Variants in MBD5 observed in about 807,000 individuals in gnomAD.
MBD5 encodes methyl-CpG-binding domain protein 5.
MBD5 carries 13 observed loss-of-function variants against 117.3 expected under a neutral mutation model. The ratio of observed to expected loss-of-function variants is 0.11; its 90% CI spans 0.07 to 0.18. The LOEUF (loss-of-function observed/expected upper bound fraction) is 0.18. Among genes scored for constraint, MBD5 ranks in the 10% least tolerant of loss-of-function variants. The pLI is 1.00. For missense variants in MBD5, 1,879 were observed against 2,093.8 expected (o/e 0.90, Z 2.00); for synonymous variants, 727 against 766.4 (o/e 0.95, Z 0.85).
chr2:148,376,077 C>T (rs536701053), intron 4 of MBD5, among the ~76,000 whole-genome samples: 1 of 151,004 alleles, frequency 6.6e-6, no homozygotes, highest in Non-Finnish European at 1.5e-5. Flanking sequence ...CATACACATA[C>T]TCAGAATGAT....
intron 4 of MBD5, among the ~76,000 whole-genome samples, chr2:148,398,548 A>G (rs1385498083): frequency 6.6e-6 from 1 of 152,150 alleles, no homozygotes; most frequent in East Asian, 1.9e-4. Flanking sequence ...GATTCTGGGT[A>G]TTAGCCCTTT....
At chr2:148,098,245 C>T (rs777435184) in intron 1 of MBD5, among the ~76,000 whole-genome samples, 6 of 152,006 alleles carry the variant, frequency 3.9e-5, no homozygotes, top group Admixed American at 6.6e-5. Context: ...GGAATAGAAA[C>T]AGATAGATTG....
intron 1 of MBD5, among the ~76,000 whole-genome samples, chr2:148,044,181 C>T (rs773370005): frequency 5.9e-5 from 9 of 152,100 alleles, no homozygotes; most frequent in Admixed American, 3.9e-4. Flanking sequence ...AAATAATATG[C>T]AAAATTTGAC....
intron 4 of MBD5, among the ~76,000 whole-genome samples, chr2:148,425,659 C>G (rs1381663786): frequency 6.6e-6 from 1 of 152,170 alleles, no homozygotes; most frequent in Non-Finnish European, 1.5e-5. Flanking sequence ...CAAACCAAAT[C>G]CAGCAGCACA....
chr2:148,516,201 T>C lies in MBD5; in HGVS notation c.*3260T>C, dbSNP rs1175061988. ...GTGACTCATGTTTCATTTTAGACCATGATAGCACATTGTTGTTAACTTTGG... is the reference window on the plus strand; with the variant it reads ...GTGACTCATGTTTCATTTTAGACCACGATAGCACATTGTTGTTAACTTTGG... On this transcript the variant is annotated 3_prime_UTR_variant, in exon 14 of 14. Transcript: ENST00000642680. The C allele has an allele frequency of 6.6e-6, 1 of 152,348 alleles. No homozygotes were observed. The highest frequency in any genetic ancestry group is 1.9e-4 in the East Asian group (1 of 5,188). 9.4% of individuals were successfully genotyped at this position (152,348 alleles called of 1,614,324 possible). A position where few individuals can be genotyped will look rare whatever the true frequency, so the allele number is the denominator to read the frequency against.
intron 3 of MBD5, among the ~76,000 whole-genome samples, chr2:148,256,775 AG>A (rs961834050): frequency 6.6e-6 from 1 of 152,254 alleles, no homozygotes; most frequent in Non-Finnish European, 1.5e-5. Context: ...CTGAAGGCTC[AG>A]GGTCTAGGGG....
At chr2:148,418,576 A>G (rs1401133998) in intron 4 of MBD5, among the ~76,000 whole-genome samples, 3 of 152,220 alleles carry the variant, frequency 2.0e-5, no homozygotes, top group Non-Finnish European at 4.4e-5. Context: ...GGTATAAACC[A>G]AAAACAACCA....
chr2:148,095,540 T>C (rs886195669), intron 1 of MBD5, among the ~76,000 whole-genome samples: 2 of 152,148 alleles, frequency 1.3e-5, no homozygotes, highest in Non-Finnish European at 2.9e-5. Context: ...TTGAAGACTT[T>C]ATTTTTAGGT....
chr2:148,462,027 T>G (rs560216350), intron 5 of MBD5, among the ~76,000 whole-genome samples: 13 of 152,176 alleles, frequency 8.5e-5, no homozygotes, highest in African/African-American at 3.1e-4. Context: ...TATTATATCT[T>G]TAAAGAAACA....
chr2:148,226,514 G>T (rs1002994178), intron 2 of MBD5, among the ~76,000 whole-genome samples: 2 of 152,156 alleles, frequency 1.3e-5, no homozygotes, highest in African/African-American at 4.8e-5. Context: ...GTCTACCATT[G>T]TTGGACATTT....
At chr2:148,423,553 C>G (rs2105281669) in intron 4 of MBD5, among the ~76,000 whole-genome samples, 1 of 152,118 alleles carries the variant, frequency 6.6e-6, no homozygotes, top group South Asian at 2.1e-4. Flanking sequence ...GAAGGAAGCA[C>G]TAAACATAGA....
At chr2:148,311,181 G>A (rs1466700290) in intron 3 of MBD5, among the ~76,000 whole-genome samples, 1 of 152,186 alleles carries the variant, frequency 6.6e-6, no homozygotes, top group African/African-American at 2.4e-5. Flanking sequence ...CCAGAGCTGA[G>A]TTCAAGTCCT....
intron 1 of MBD5, among the ~76,000 whole-genome samples, chr2:148,102,976 A>C (rs997997916): frequency 6.6e-6 from 1 of 152,184 alleles, no homozygotes; most frequent in Non-Finnish European, 1.5e-5. Flanking sequence ...TATATGTTGT[A>C]CAAGACCAGA....
intron 3 of MBD5, among the ~76,000 whole-genome samples, chr2:148,279,119 G>T (rs1351284778): frequency 6.6e-6 from 1 of 151,942 alleles, no homozygotes; most frequent in African/African-American, 2.4e-5. Flanking sequence ...ACACACTGGG[G>T]CAGCCTAGTC....
At chr2:148,419,369 C>T (rs533206735) in intron 4 of MBD5, among the ~76,000 whole-genome samples, 1 of 152,200 alleles carries the variant, frequency 6.6e-6, no homozygotes, top group Non-Finnish European at 1.5e-5. Flanking sequence ...GACACAAATA[C>T]ACAAATTCTT....
intron 3 of MBD5, among the ~76,000 whole-genome samples, chr2:148,250,507 T>C (rs560588198): frequency 1.3e-5 from 2 of 152,338 alleles, no homozygotes; most frequent in African/African-American, 2.4e-5. Flanking sequence ...ACAGGTTTAA[T>C]TGAAGACAAC....
intron 2 of MBD5, among the ~76,000 whole-genome samples, chr2:148,200,436 A>T (rs928530895): frequency 6.6e-6 from 1 of 152,192 alleles, no homozygotes; most frequent in Non-Finnish European, 1.5e-5. Context: ...TCATGCCTGT[A>T]ATCCCAGCAC....
At chr2:148,103,503 T>C (rs1275677706) in intron 1 of MBD5, among the ~76,000 whole-genome samples, 1 of 152,150 alleles carries the variant, frequency 6.6e-6, no homozygotes, top group Non-Finnish European at 1.5e-5. Context: ...AGGGAACCTT[T>C]CCAGGAAGCA....
chr2:148,287,310 A>C (rs1701388984), intron 3 of MBD5, among the ~76,000 whole-genome samples: 1 of 152,224 alleles, frequency 6.6e-6, no homozygotes, highest in Non-Finnish European at 1.5e-5. Context: ...TAGCATCCCA[A>C]AAGAACAGAT....
Sources: gnomAD v4.1 joint callset for allele counts (sites outside exome capture counted in the v4.1 genomes callset) on GRCh38, gnomAD v4.1.1 for gene constraint, MANE v1.5 for transcripts, NCBI Gene and HGNC (gene_info 2026-07-23, HGNC 2026-07-21) for gene names.